CDH18: variants seen among roughly 807,000 people sequenced by gnomAD.
CDH18 encodes the protein cadherin 18.
In CDH18, 31 loss-of-function variants were observed where a neutral mutation model predicts 67.9. The observed-to-expected ratio is 0.46, with a 90% CI of 0.34 to 0.62. CDH18 has a LOEUF of 0.62. CDH18 is among the 20% of genes least tolerant of loss of function. The pLI, the probability that CDH18 is intolerant of heterozygous loss-of-function variation, is 0.01. For synonymous variants in CDH18, 362 were observed against 347.2 expected, an observed-to-expected ratio of 1.04 and a Z score of -0.48; for missense variants, 890 against 975.5, an observed-to-expected ratio of 0.91 and a Z score of 1.17.
chr5:19,704,246 C>T (rs1561095321), intron 5 of CDH18, among the ~76,000 whole-genome samples: 1 of 152,162 alleles, frequency 6.6e-6, no homozygotes. Context: ...AATCATTTCT[C>T]TTTAGCACTG....
chr5:20,367,424 G>T (rs905420839), intron 1 of CDH18, among the ~76,000 whole-genome samples: 1 of 152,142 alleles, frequency 6.6e-6, no homozygotes, highest in Non-Finnish European at 1.5e-5. Context: ...GTGCCAAAAA[G>T]GTTGGTTCCC....
chr5:20,257,061 C>CAAATTA (rs1744306187), intron 1 of CDH18, among the ~76,000 whole-genome samples: 2 of 151,904 alleles, frequency 1.3e-5, no homozygotes, highest in Non-Finnish European at 2.9e-5. Context: ...TCTATTAGAA[C>CAAATTA]ACATAGTACT....
intron 2 of CDH18, among the ~76,000 whole-genome samples, chr5:20,221,275 C>G (rs1196691486): frequency 6.6e-6 from 1 of 151,988 alleles, no homozygotes; most frequent in Non-Finnish European, 1.5e-5. Flanking sequence ...GAGCATTATT[C>G]AGCCGTAAAA....
intron 1 of CDH18, among the ~76,000 whole-genome samples, chr5:20,407,273 T>C: frequency 6.6e-6 from 1 of 152,156 alleles, no homozygotes; most frequent in East Asian, 1.9e-4. Context: ...GTGAGAATGA[T>C]TGGCTTCTGC....
intron 11 of CDH18, among the ~76,000 whole-genome samples, chr5:19,501,097 C>T (rs1001327980): frequency 6.6e-6 from 1 of 151,250 alleles, no homozygotes; most frequent in Non-Finnish European, 1.5e-5. Flanking sequence ...CACGCCATTA[C>T]AATTCAGCCT....
At chr5:20,570,825 AAAC>A (rs575302937) in intron 1 of CDH18, among the ~76,000 whole-genome samples, 2 of 152,270 alleles carry the variant, frequency 1.3e-5, no homozygotes, top group African/African-American at 4.8e-5. Context: ...GACTTTATAA[AAAC>A]AACTATACCC....
chr5:20,292,479 G>T (rs1006947744), intron 1 of CDH18, among the ~76,000 whole-genome samples: 4 of 152,168 alleles, frequency 2.6e-5, no homozygotes, highest in African/African-American at 9.7e-5. Flanking sequence ...TTTTTGAAGG[G>T]CTCTGTGTGT....
intron 2 of CDH18, among the ~76,000 whole-genome samples, chr5:20,233,489 C>A (rs1742234702): frequency 2.0e-5 from 3 of 151,782 alleles, no homozygotes; most frequent in Admixed American, 6.6e-5. Flanking sequence ...AAATAATATT[C>A]TATTTTCTTC....
chr5:20,483,210 A>C (rs1329907427), intron 1 of CDH18, among the ~76,000 whole-genome samples: 1 of 152,054 alleles, frequency 6.6e-6, no homozygotes, highest in African/African-American at 2.4e-5. Flanking sequence ...AAACTTAACC[A>C]AATAAGTGAG....
At chr5:19,755,593 T>C (rs1241731280) in intron 3 of CDH18, among the ~76,000 whole-genome samples, 1 of 146,558 alleles carries the variant, frequency 6.8e-6, no homozygotes, top group Non-Finnish European at 1.5e-5. Flanking sequence ...TAATATAAGA[T>C]ATATATAATA....
intron 2 of CDH18, among the ~76,000 whole-genome samples, chr5:20,002,912 C>T (rs1179243470): frequency 2.2e-5 from 3 of 133,948 alleles, no homozygotes; most frequent in Non-Finnish European, 4.7e-5. Flanking sequence ...TCTGTAGAGC[C>T]AACAATGTGT....
At chr5:19,699,386 A>G (rs1188751007) in intron 5 of CDH18, among the ~76,000 whole-genome samples, 2 of 152,150 alleles carry the variant, frequency 1.3e-5, no homozygotes, top group Admixed American at 6.5e-5. Context: ...GTGTTCAACT[A>G]TACAACACAG....
At chr5:20,227,211 T>C (rs1022870939) in intron 2 of CDH18, among the ~76,000 whole-genome samples, 5 of 152,138 alleles carry the variant, frequency 3.3e-5, no homozygotes, top group African/African-American at 7.2e-5. Context: ...GTGGGATTTC[T>C]ATTATAATTG....
chr5:19,904,296 A>G (rs962317670), intron 2 of CDH18, among the ~76,000 whole-genome samples: 1 of 149,344 alleles, frequency 6.7e-6, no homozygotes, highest in Non-Finnish European at 1.5e-5. Flanking sequence ...AAGGAAAGAA[A>G]AAAAGAAAAG....
At chr5:19,733,306 T>A (rs1767866734) in intron 4 of CDH18, among the ~76,000 whole-genome samples, 1 of 152,212 alleles carries the variant, frequency 6.6e-6, no homozygotes, top group Non-Finnish European at 1.5e-5. Flanking sequence ...CTAATTGTTT[T>A]TACACTGTTC....
chr5:20,560,420 T>C (rs1198506657), intron 1 of CDH18, among the ~76,000 whole-genome samples: 1 of 149,634 alleles, frequency 6.7e-6, no homozygotes, highest in African/African-American at 2.5e-5. Context: ...AAAAGTATGT[T>C]AGGAATCATC....
At chr5:20,189,865 T>C (rs1245258542) in intron 2 of CDH18, among the ~76,000 whole-genome samples, 2 of 152,184 alleles carry the variant, frequency 1.3e-5, no homozygotes, top group African/African-American at 4.8e-5. Flanking sequence ...CATCTTCTAT[T>C]CACTATTCTT....
chr5:19,744,793 A>C (rs2150721549), intron 4 of CDH18, among the ~76,000 whole-genome samples: 1 of 152,310 alleles, frequency 6.6e-6, no homozygotes, highest in East Asian at 1.9e-4. Context: ...TCATGTAATA[A>C]ATGTGAGGGT....
intron 1 of CDH18, among the ~76,000 whole-genome samples, chr5:20,471,214 C>G (rs1752042263): frequency 6.6e-6 from 1 of 152,122 alleles, no homozygotes; most frequent in African/African-American, 2.4e-5. Context: ...ATCACTTCCA[C>G]TTTCTGTAAA....
Sources: allele counts gnomAD v4.1 joint callset (sites outside exome capture counted in the v4.1 genomes callset), GRCh38; gene constraint gnomAD v4.1.1; transcripts MANE v1.5; gene names NCBI Gene and HGNC (gene_info 2026-07-23, HGNC 2026-07-21).